BCOR: variants seen among roughly 807,000 people sequenced by gnomAD.
BCOR encodes BCL-6 corepressor.
Under a neutral mutation model 86.7 loss-of-function variants are expected in BCOR, and 10 were observed. That is an observed-to-expected ratio of 0.12 (90% CI 0.07 to 0.20). BCOR has a LOEUF of 0.20. Ranked by LOEUF, BCOR falls within the 10% of genes least tolerant of loss-of-function variation. The pLI is 1.00. For missense variants in BCOR, 1,259 were observed against 1,452.1 expected, an observed-to-expected ratio of 0.87 and a Z score of 2.16; for synonymous variants, 611 against 609.0, an observed-to-expected ratio of 1.00 and a Z score of -0.05.
At chrX:40,056,061 C>T (rs1934576531) in intron 11 of BCOR, among the ~76,000 whole-genome samples, 1 of 109,719 alleles carries the variant, frequency 9.1e-6, no homozygotes, top group Non-Finnish European at 1.9e-5. Context: ...CTCAAGTGAT[C>T]CTCCTGCCTC....
intron 1 of BCOR, among the ~76,000 whole-genome samples, chrX:40,118,210 TG>T (rs1937426819): frequency 9.1e-6 from 1 of 110,204 alleles, no homozygotes; most frequent in Admixed American, 9.7e-5. Flanking sequence ...CCCTCAGGTG[TG>T]AGCTTTCACT....
intron 1 of BCOR, among the ~76,000 whole-genome samples, chrX:40,125,831 G>T (rs1313206741): frequency 8.9e-6 from 1 of 112,094 alleles, no homozygotes; most frequent in Non-Finnish European, 1.9e-5. Flanking sequence ...AGCTGTCACA[G>T]CTGAGTGTGT....
intron 1 of BCOR, among the ~76,000 whole-genome samples, chrX:40,123,277 G>C (rs1937511016): frequency 9.0e-6 from 1 of 110,990 alleles, no homozygotes; most frequent in Non-Finnish European, 1.9e-5. Context: ...GATTGAGAAG[G>C]GGTCTTAGGG....
At chrX:40,140,973 G>A (rs929992788) in intron 1 of BCOR, among the ~76,000 whole-genome samples, 2 of 112,860 alleles carry the variant, frequency 1.8e-5, no homozygotes, top group African/African-American at 6.4e-5. Flanking sequence ...GAGGGGCTGG[G>A]GGATCCCCGT....
chrX:40,171,301 G>C (rs1938614202), intron 1 of BCOR, among the ~76,000 whole-genome samples: 1 of 112,415 alleles, frequency 8.9e-6, no homozygotes, highest in Non-Finnish European at 1.9e-5. Flanking sequence ...ACAACTGTCT[G>C]TTTACTCACT....
chrX:40,070,930 C>T (rs1235077963), intron 6 of BCOR, 43 bp downstream of exon 6: 5 of 1,173,044 alleles, frequency 4.3e-6, no homozygotes, highest in African/African-American at 3.5e-5. Flanking sequence ...AGATGCCAAC[C>T]GGACCTGAGG....
intron 1 of BCOR, among the ~76,000 whole-genome samples, chrX:40,094,977 G>A (rs1421514133): frequency 1.8e-5 from 2 of 112,359 alleles, no homozygotes; most frequent in Non-Finnish European, 3.8e-5. Flanking sequence ...TCAAAGGACA[G>A]CGCTGGGGCC....
intron 1 of BCOR, among the ~76,000 whole-genome samples, chrX:40,150,341 G>A (rs1938143790): frequency 8.9e-6 from 1 of 112,017 alleles, no homozygotes; most frequent in South Asian, 3.7e-4. Context: ...GTGTGAACTT[G>A]ACCTAGTGAA....
At chrX:40,173,786 G>GA (rs1399252841) in intron 1 of BCOR, among the ~76,000 whole-genome samples, 1 of 112,209 alleles carries the variant, frequency 8.9e-6, no homozygotes, top group Non-Finnish European at 1.9e-5. Flanking sequence ...TTTGATGGCT[G>GA]AAGGCCACCT....
At chrX:40,115,721 G>T (rs1937382946) in intron 1 of BCOR, among the ~76,000 whole-genome samples, 2 of 107,356 alleles carry the variant, frequency 1.9e-5, no homozygotes, top group Non-Finnish European at 3.8e-5. Flanking sequence ...AAACTCTAGT[G>T]AGCCGAGATC....
At chrX:40,137,548 A>AAAAATAAAAT (rs11272476) in intron 1 of BCOR, among the ~76,000 whole-genome samples, 5,984 of 93,673 alleles carry the variant, frequency 0.064, 198 homozygotes, top group African/African-American at 0.11. Context: ...ACTCCATCTC[A>AAAAATAAAAT]AAAATAAAAT....
rs187500660 is a variant in BCOR, at chrX:40,107,265, G to A, written c.-40-29296C>T. 2.8e-3 allele frequency among the ~76,000 whole-genome samples: 318 copies of A among 111,866 alleles called. 1 individual carries two copies. Among genetic ancestry groups the A allele is most frequent in the African/African-American group, 9.8e-3 (303 of 30,767 alleles). On this transcript the variant is annotated intron_variant, in intron 1 of 14. Coordinates refer to the BCOR transcript ENST00000342274. The stretch of plus-strand genomic sequence containing the variant: ...GGTCAGAAACCTAGCCCTGGAGGCT[G>A]GATCGTACTCTCCTGGCGGGCTCAG...
chrX:40,154,172 G>A (rs1938233287), intron 1 of BCOR, among the ~76,000 whole-genome samples: 1 of 112,712 alleles, frequency 8.9e-6, no homozygotes, highest in African/African-American at 3.2e-5. Flanking sequence ...ATGGCTCTGG[G>A]TTTCCGTGTG....
intron 1 of BCOR, among the ~76,000 whole-genome samples, chrX:40,103,407 T>C (rs1329982158): frequency 9.0e-6 from 1 of 110,836 alleles, no homozygotes; most frequent in East Asian, 2.8e-4. Context: ...GGAGGATGTG[T>C]CTAGAGGAGG....
chrX:40,123,556 T>C (rs1319543910), intron 1 of BCOR, among the ~76,000 whole-genome samples: 2 of 110,851 alleles, frequency 1.8e-5, no homozygotes, highest in Non-Finnish European at 3.8e-5. Context: ...GGTTTCACCA[T>C]ATTGTCCAGG....
At chrX:40,175,179 G>A (rs1602289466) in intron 1 of BCOR, among the ~76,000 whole-genome samples, 3 of 112,664 alleles carry the variant, frequency 2.7e-5, no homozygotes, top group East Asian at 2.8e-4. Flanking sequence ...TGGGGCGGGG[G>A]CTCTCCTCCG....
Position 40,053,888 on chromosome X carries a change from C to T in BCOR, c.4974G>A (p.Gln1658=), listed in dbSNP as rs766218614. ...AATCACATGACAGCCATGCTCACCC[C>T]TGAGCCACAGATACTTGGATGTTAT... ...PCYNIQVSVA[Q]GPRNWLLLSD... The change falls in exon 14 of 15, where the codon CAG becomes CAA. Residue 1658 remains glutamine (Q), a splice_region_variant and synonymous_variant. Coordinates refer to ENST00000378444, the MANE Select transcript of BCOR (RefSeq NM_001123385.2). The T allele has an allele frequency of 9.1e-6, 11 of 1,211,317 alleles. No homozygotes were observed. The highest frequency in any genetic ancestry group is 1.2e-5 in the Non-Finnish European group (11 of 895,232).
At chrX:40,144,665 T>C (rs1024723784) in intron 1 of BCOR, among the ~76,000 whole-genome samples, 18 of 112,227 alleles carry the variant, frequency 1.6e-4, no homozygotes, top group African/African-American at 5.8e-4. Context: ...CACTTTGTTC[T>C]TCAGAGTTGG....
At position 40,066,925 on chromosome X, in the gene BCOR, C is replaced by G. The variant is rs754011675; in HGVS notation, c.3239-2326G>C. On this transcript the variant is annotated intron_variant, in intron 6 of 14. Transcript: ENST00000378444. ...CTTGGCACCCTTCCCAGAGACACCC[C>G]CCCCCCCCCATCAAATCCCCATCAG... Among the ~76,000 whole-genome samples the G allele has an allele frequency of 2.5e-4, 23 of 92,645 alleles. 1 individual carries two copies. The highest frequency in any genetic ancestry group is 9.7e-4 in the African/African-American group (23 of 23,773). The allele number at this position is 92,645 out of a possible 115,157, so 80.5% of individuals were successfully genotyped here. A position where few individuals can be genotyped will look rare whatever the true frequency, so the allele number is the denominator to read the frequency against.
Sources: gnomAD v4.1 joint callset for allele counts (sites outside exome capture counted in the v4.1 genomes callset) on GRCh38, gnomAD v4.1.1 for gene constraint, MANE v1.5 for transcripts, NCBI Gene and HGNC (gene_info 2026-07-23, HGNC 2026-07-21) for gene names.